Variants in DUSP22 observed in about 807,000 individuals in gnomAD.
DUSP22 encodes the protein dual specificity protein phosphatase 22.
In DUSP22, 24 loss-of-function variants were observed where a neutral mutation model predicts 24.5. The observed-to-expected ratio is 0.98, with a 90% CI of 0.71 to 1.38. The LOEUF (loss-of-function observed/expected upper bound fraction) is 1.38. Among genes scored for constraint, DUSP22 ranks in the 40% most tolerant of loss-of-function variants. The probability of loss-of-function intolerance (pLI) is 0.00; values close to 1 mark genes in which losing one functional copy is unlikely to be tolerated. For synonymous variants in DUSP22, 160 were observed against 106.4 expected (o/e 1.50, Z -3.10); for missense variants, 330 against 269.2 (o/e 1.23, Z -1.58).
At chr6:310,429 C>G (rs930109394) in intron 2 of DUSP22, among the ~76,000 whole-genome samples, 1 of 152,298 alleles carries the variant, frequency 6.6e-6, no homozygotes, top group Non-Finnish European at 1.5e-5. Context: ...CTTCTTTTTG[C>G]AGGTAGGGAC....
intron 3 of DUSP22, among the ~76,000 whole-genome samples, chr6:315,884 C>T (rs958412103): frequency 9.2e-5 from 14 of 152,418 alleles, no homozygotes; most frequent in Non-Finnish European, 1.3e-4. Context: ...ACAAGATACG[C>T]GTTGTAGCTG....
chr6:295,105 CA>C (rs1757264312), intron 1 of DUSP22, among the ~76,000 whole-genome samples: 1 of 152,288 alleles, frequency 6.6e-6, no homozygotes, highest in Non-Finnish European at 1.5e-5. Flanking sequence ...GGTTGATTTG[CA>C]GAATCAGCGG....
intron 3 of DUSP22, chr6:325,459 C>T: frequency 4.6e-6 from 1 of 218,404 alleles, no homozygotes; most frequent in South Asian, 5.7e-5. Context: ...CTGCCCTGGG[C>T]TTCCGTATCC....
At chr6:325,514 G>T (rs536783823) in intron 3 of DUSP22, 17 of 158,180 alleles carry the variant, frequency 1.1e-4, no homozygotes, top group South Asian at 4.0e-4. Flanking sequence ...AGAGTCATCT[G>T]CCCTGGGCTT....
intron 1 of DUSP22, among the ~76,000 whole-genome samples, chr6:302,556 G>A (rs1273898877): frequency 6.6e-6 from 1 of 152,306 alleles, no homozygotes; most frequent in South Asian, 2.1e-4. Flanking sequence ...TTCCCTGTGT[G>A]AGCTGCTCAT....
chr6:315,576 G>A (rs1424657425), intron 3 of DUSP22, among the ~76,000 whole-genome samples: 1 of 152,288 alleles, frequency 6.6e-6, no homozygotes, highest in African/African-American at 2.4e-5. Context: ...GAAAAAGGTT[G>A]TGCTATTTGT....
chr6:331,677 A>G (rs1240226382), intron 3 of DUSP22, among the ~76,000 whole-genome samples: 1 of 152,312 alleles, frequency 6.6e-6, no homozygotes, highest in East Asian at 1.9e-4. Flanking sequence ...TGAATTAGTA[A>G]TTAACTGTCA....
chr6:306,747 C>G (rs1757828002), intron 2 of DUSP22, among the ~76,000 whole-genome samples: 2 of 152,306 alleles, frequency 1.3e-5, no homozygotes, highest in Non-Finnish European at 2.9e-5. Flanking sequence ...TTATCGGGAA[C>G]ACACGATGTG....
chr6:323,325 T>C (rs1291063404), intron 3 of DUSP22, among the ~76,000 whole-genome samples: 4 of 152,302 alleles, frequency 2.6e-5, no homozygotes, highest in African/African-American at 7.2e-5. Flanking sequence ...CTTTCAGTTA[T>C]CACCGCAGCT....
At position 310,956 on chromosome 6, in the gene DUSP22, A is replaced by T. The variant is rs544928746; in HGVS notation, c.56-924A>T. On this transcript the variant is annotated intron_variant, in intron 2 of 6. Transcript: ENST00000419235. The stretch of plus-strand genomic sequence containing the variant: ...AAAGGAAGAAGCTGAGGCAAAATTA[A>T]TACAGAGGGTTTATTTGGGCCAAGC... Among the ~76,000 whole-genome samples the T allele has an allele frequency of 1.4e-4, 21 of 152,408 alleles. No homozygotes were observed. The South Asian group carries it at 4.1e-3, about 30-fold the overall frequency.
chr6:309,891 A>G (rs1757993846), intron 2 of DUSP22, among the ~76,000 whole-genome samples: 1 of 152,298 alleles, frequency 6.6e-6, no homozygotes, highest in Non-Finnish European at 1.5e-5. Context: ...GCATTTTCCC[A>G]TGCCATGAAA....
Position 348,273 on chromosome 6 carries a change from A to AT in DUSP22, c.434_435insT (p.Gln145HisfsTer27). On this transcript the variant is annotated frameshift_variant and splice_region_variant, in exon 6 of 7. Transcript: ENST00000419235. LOFTEE classifies it high-confidence loss of function. ...GAGTTTGAGAAGCATGAGGTCCATCAGGTAAGCAGTTCTTAGGGGACATCA... is the reference window on the plus strand; with the variant it reads ...GAGTTTGAGAAGCATGAGGTCCATCATGGTAAGCAGTTCTTAGGGGACATCA... 1 of 1,614,292 alleles carries AT rather than the reference A, an allele frequency of 6.2e-7. No individual in the cohort carries two copies. Among genetic ancestry groups the AT allele is most frequent in the Non-Finnish European group, 8.5e-7 (1 of 1,180,056 alleles).
chr6:327,626 C>T (rs1758942101), intron 3 of DUSP22, among the ~76,000 whole-genome samples: 4 of 152,304 alleles, frequency 2.6e-5, no homozygotes, highest in Admixed American at 2.6e-4. Context: ...TGTGCCAGGG[C>T]CATGCGCCTG....
chr6:314,855 T>A (rs1445799566), intron 3 of DUSP22, among the ~76,000 whole-genome samples: 1 of 152,280 alleles, frequency 6.6e-6, no homozygotes, highest in East Asian at 1.9e-4. Flanking sequence ...ACTTGGTTGC[T>A]TTTGGTTGGA....
rs563500428 is a variant in DUSP22 at position 334,695 on chromosome 6, C to T, written c.139-419C>T. Among the ~76,000 whole-genome samples the T allele has an allele frequency of 6.6e-5, 10 of 152,416 alleles. No individual in the cohort carries two copies. The East Asian group carries it at 1.9e-3, about 29-fold the overall frequency. The stretch of plus-strand genomic sequence containing the variant: ...AGCTGTAATGTGACATTATAGTTTT[C>T]ACTCTTGTTAAGGTTTTTACTTACG... On this transcript the variant is annotated intron_variant, in intron 3 of 6. Coordinates refer to ENST00000419235, the MANE Select transcript of DUSP22 (RefSeq NM_001286555.3).
intron 6 of DUSP22, chr6:348,534 C>T (rs534905538): frequency 3.4e-5 from 29 of 845,454 alleles, no homozygotes; most frequent in East Asian, 1.3e-4. Context: ...CTTTGGGTGA[C>T]GTACCATTTC....
chr6:325,435 G>A (rs1167153134), intron 3 of DUSP22: 2 of 228,710 alleles, frequency 8.7e-6, no homozygotes, highest in Non-Finnish European at 1.7e-5. Flanking sequence ...ACCTGCTGGT[G>A]CCTGGAGAGT....
At position 332,494 on chromosome 6, in the gene DUSP22, T is replaced by C. The variant is rs1759184088; in HGVS notation, c.139-2620T>C. Among the ~76,000 whole-genome samples, 4 of 152,428 alleles carry C rather than the reference T, an allele frequency of 2.6e-5. No individual in the cohort carries two copies. The South Asian group carries it at 6.2e-4, about 24-fold the overall frequency. ...GCCTCATGGGACCAGCCTGAGTTGG[T>C]CCTTTTGCTCATCGGGTGCCACAAA... On this transcript the variant is annotated intron_variant, in intron 3 of 6. Transcript: ENST00000419235.
At chr6:306,543 T>C (rs1448233974) in intron 2 of DUSP22, among the ~76,000 whole-genome samples, 1 of 152,102 alleles carries the variant, frequency 6.6e-6, no homozygotes, top group Non-Finnish European at 1.5e-5. Context: ...GCTGCATTAT[T>C]ACCTTAAGTT....
Sources: allele counts gnomAD v4.1 joint callset (sites outside exome capture counted in the v4.1 genomes callset), GRCh38; gene constraint gnomAD v4.1.1; transcripts MANE v1.5; gene names NCBI Gene and HGNC (gene_info 2026-07-23, HGNC 2026-07-21).